Variants in ADCY6 observed in about 807,000 individuals in gnomAD.
ADCY6 encodes the protein adenylate cyclase type 6.
Under a neutral mutation model 111.6 loss-of-function variants are expected in ADCY6, and 59 were observed. The ratio of observed to expected loss-of-function variants is 0.53; its 90% CI spans 0.43 to 0.66. The LOEUF (loss-of-function observed/expected upper bound fraction) is 0.66. Ranked by LOEUF, ADCY6 falls within the 30% of genes least tolerant of loss-of-function variation. The pLI, the probability that ADCY6 is intolerant of heterozygous loss-of-function variation, is 0.00. For missense variants in ADCY6, 1,242 were observed against 1,595.6 expected, an observed-to-expected ratio of 0.78 and a Z score of 3.78; for synonymous variants, 576 against 642.9, an observed-to-expected ratio of 0.90 and a Z score of 1.57.
At position 48,776,670 on chromosome 12, in the gene ADCY6, C is replaced by A. The variant is rs1941713425; in HGVS notation, c.1377-84G>T. On this transcript the variant is annotated intron_variant, in intron 6 of 21. Transcript: ENST00000357869. The surrounding 1 kb of genome is among the most constrained non-coding windows in gnomAD (Gnocchi z 6.1). The stretch of plus-strand genomic sequence containing the variant: ...CCCAGGCCCTTCACTCCTCTCAGGG[C>A]CCAGCGGGCAAGGACAGACCCAGAT... The A allele has an allele frequency of 1.3e-6, 2 of 1,507,802 alleles. No homozygotes were observed. Among genetic ancestry groups the A allele is most frequent in the Non-Finnish European group, 1.8e-6 (2 of 1,129,090 alleles). 93.4% of individuals were successfully genotyped at this position (1,507,802 alleles called of 1,614,324 possible).
Position 48,768,455 on chromosome 12 carries a change from G to T in ADCY6, c.*136C>A. 1.6e-6 allele frequency: 2 copies of T among 1,283,708 alleles called. No homozygotes were observed. Among genetic ancestry groups the T allele is most frequent in the South Asian group, 1.3e-5 (1 of 79,904 alleles). The allele number at this position is 1,283,708 out of a possible 1,614,324, so 79.5% of individuals were successfully genotyped here. ...GGCAGACGAGCATGATCCAAGCACA[G>T]CCTGCTGGGATGTTCCCTTTTGTGG... On this transcript the variant is annotated 3_prime_UTR_variant, in exon 22 of 22. Coordinates refer to ENST00000357869, the MANE Select transcript of ADCY6 (RefSeq NM_015270.5).
At chr12:48,769,138 G>A in intron 20 of ADCY6, 77 bp from the exon 21 acceptor site, 1 of 1,380,042 alleles carries the variant, frequency 7.2e-7, no homozygotes, top group Non-Finnish European at 9.6e-7. Flanking sequence ...TCCTGGCACT[G>A]GTAGAAGGAC....
At chr12:48,787,416 C>A (rs574821485) in intron 1 of ADCY6, among the ~76,000 whole-genome samples, 5 of 152,324 alleles carry the variant, frequency 3.3e-5, no homozygotes, top group Admixed American at 6.5e-5. Context: ...TCTGACCCCC[C>A]CCAAGGGGAT....
rs776107191 is a variant in ADCY6, at chr12:48,776,224, G to A, written c.1662C>T (p.Gly554=). Residue 554 remains glycine (G), a synonymous_variant, in exon 8 of 22, where the codon GGC becomes GGT. Transcript: ENST00000357869. This position sits in a 1 kb window ranked among gnomAD's most constrained non-coding sequence, Gnocchi z 6.1. ...TGGCCCTGACCCGTTTCTGGCTGGC[G>A]CCCAGGATGAGGAAAGTCTCAATGT... ...EQHIETFLIL[G]ASQKRKEEKA... 1.7e-5 allele frequency: 27 copies of A among 1,613,994 alleles called. No individual in the cohort carries two copies. The highest frequency in any genetic ancestry group is 3.3e-4 in the Middle Eastern group (2 of 6,084).
At chr12:48,768,856 C>A (rs1941445366) in intron 21 of ADCY6, 81 bp downstream of exon 21, 2 of 1,553,948 alleles carry the variant, frequency 1.3e-6, no homozygotes, top group Non-Finnish European at 1.7e-6. Flanking sequence ...CACCCTACCC[C>A]TGTCCTAGCA....
chr12:48,770,684 G>A (rs1941512339), intron 20 of ADCY6, 82 bp downstream of exon 20: 1 of 1,424,648 alleles, frequency 7.0e-7, no homozygotes, highest in African/African-American at 1.4e-5. Flanking sequence ...TGGGAAATCT[G>A]TGATCCCATC....
intron 2 of ADCY6, among the ~76,000 whole-genome samples, chr12:48,779,680 G>A (rs890592703): frequency 2.1e-4 from 32 of 152,260 alleles, no homozygotes; most frequent in African/African-American, 7.2e-4. Context: ...CAGTGTTTCT[G>A]GAAACTCAGG....
rs1941761843 is a variant in ADCY6, at chr12:48,778,342, G to A, written c.865-85C>T. 10 of 1,566,828 alleles carry A rather than the reference G, an allele frequency of 6.4e-6. 1 individual carries two copies. The South Asian group carries it at 6.9e-5, about 11-fold the overall frequency. On this transcript the variant is annotated intron_variant, in intron 2 of 21. Coordinates refer to ENST00000357869, the MANE Select transcript of ADCY6 (RefSeq NM_015270.5). ...CACACACATTCACACAACTTGCTAGGTTCTCTGAGGAAGGAAGCCAGGGTC... is the reference window on the plus strand; with the variant it reads ...CACACACATTCACACAACTTGCTAGATTCTCTGAGGAAGGAAGCCAGGGTC...
Position 48,778,099 on chromosome 12 carries a change from C to T in ADCY6, c.1014+9G>A. Reference sequence around the variant, plus strand: ...GGGGGCAGGCCCTGGTCACGGGGAGCAGCCCCACCTGCTGCCGATTCTCAT... The same window carrying T: ...GGGGGCAGGCCCTGGTCACGGGGAGTAGCCCCACCTGCTGCCGATTCTCAT... On this transcript the variant is annotated intron_variant, in intron 3 of 21. Coordinates refer to ENST00000357869, the MANE Select transcript of ADCY6 (RefSeq NM_015270.5). The T allele has an allele frequency of 6.2e-7, 1 of 1,602,458 alleles. No individual in the cohort carries two copies. The highest frequency in any genetic ancestry group is 1.7e-5 in the Admixed American group (1 of 57,866).
intron 1 of ADCY6, chr12:48,783,682 C>T (rs1941915789): frequency 2.5e-6 from 2 of 809,184 alleles, no homozygotes; most frequent in African/African-American, 3.5e-5. Flanking sequence ...GTGGCTTACA[C>T]CTGTAATCCC....
chr12:48,771,237 T>TTC lies in ADCY6; in HGVS notation c.3052-269_3052-268dup, dbSNP rs1347578343. On this transcript the variant is annotated intron_variant, in intron 19 of 21. Transcript: ENST00000357869. This position sits in a 1 kb window ranked among gnomAD's most constrained non-coding sequence, Gnocchi z 4.3. ...ACCCACAAGTGCAATATTAAGCAAT[T>TTC]TCTCCAATCCTTACCTTTTGGGATA... 5 of 536,896 alleles carry TTC rather than the reference T, an allele frequency of 9.3e-6. No homozygotes were observed. Among genetic ancestry groups the TTC allele is most frequent in the Non-Finnish European group, 1.7e-5 (5 of 298,092 alleles). The allele number at this position is 536,896 out of a possible 1,614,324, so 33.3% of individuals were successfully genotyped here. A position where few individuals can be genotyped will look rare whatever the true frequency, so the allele number is the denominator to read the frequency against.
chr12:48,774,604 T>C (rs1413142447), intron 13 of ADCY6, 86 bp from the exon 14 acceptor site: 20 of 1,560,702 alleles, frequency 1.3e-5, no homozygotes, highest in Non-Finnish European at 1.7e-5. Context: ...GGAAGAGGCA[T>C]GGCCTTCTCC....
Position 48,777,133 on chromosome 12 carries a change from C to T in ADCY6, c.1347G>A (p.Glu449=). 6.2e-7 allele frequency: 1 copy of T among 1,612,764 alleles called. No individual in the cohort carries two copies. The highest frequency in any genetic ancestry group is 1.1e-5 in the South Asian group (1 of 90,908). The stretch of plus-strand genomic sequence containing the variant: ...TGGCCTCAATCATGTCTACCCCCAT[C>T]TCCACACAGCAGTGGGCATGGTCGG... The part of the protein sequence containing the change: ...ARADHAHCCV[E]MGVDMIEAIS... The change falls in exon 6 of 22, where the codon GAG becomes GAA. Residue 449 remains glutamate, a synonymous_variant. Transcript: ENST00000357869. The surrounding 1 kb of genome is among the most constrained non-coding windows in gnomAD (Gnocchi z 4.9).
rs984291876 is a variant in ADCY6, at chr12:48,768,136, A to T, written c.*455T>A. 2.7e-5 allele frequency: 6 copies of T among 221,666 alleles called. No individual in the cohort carries two copies. Among genetic ancestry groups the T allele is most frequent in the Admixed American group, 1.0e-4 (2 of 19,270 alleles). 13.7% of individuals were successfully genotyped at this position (221,666 alleles called of 1,614,324 possible). A position where few individuals can be genotyped will look rare whatever the true frequency, so the allele number is the denominator to read the frequency against. On this transcript the variant is annotated 3_prime_UTR_variant, in exon 22 of 22. Coordinates refer to ENST00000357869, the MANE Select transcript of ADCY6 (RefSeq NM_015270.5). ...GGTATTGCAAAGGCAAGCATGGAAT[A>T]GGCACTCCTCATGCCTGTCTTTGTA...
At chr12:48,778,872 ATTTTTTTT>A (rs1037254707) in intron 2 of ADCY6, among the ~76,000 whole-genome samples, 7 of 72,414 alleles carry the variant, frequency 9.7e-5, no homozygotes, top group African/African-American at 2.4e-4. Flanking sequence ...TGAATAACAC[ATTTTTTTT>A]TTTTTTTTTT....
intron 2 of ADCY6, among the ~76,000 whole-genome samples, chr12:48,781,452 C>T (rs552289466): frequency 6.6e-6 from 1 of 152,282 alleles, no homozygotes; most frequent in East Asian, 1.9e-4. Flanking sequence ...TACAGCAGCG[C>T]CTGAAGGACC....
chr12:48,789,737 C>A (rs368203782), upstream of ADCY6: 1 of 152,092 alleles, frequency 6.6e-6, no homozygotes, highest in Non-Finnish European at 1.5e-5. Flanking sequence ...CCTCTTCCCC[C>A]CAGTCTCTGG....
chr12:48,783,951 C>T (rs910056186), intron 1 of ADCY6: 5 of 157,288 alleles, frequency 3.2e-5, no homozygotes, highest in Admixed American at 1.2e-4. Flanking sequence ...GGCGTGGTGG[C>T]GGGCGCCTGT....
intron 15 of ADCY6, 55 bp downstream of exon 15, chr12:48,773,884 AG>A: frequency 6.3e-7 from 1 of 1,592,198 alleles, no homozygotes; most frequent in Non-Finnish European, 8.6e-7. Flanking sequence ...CTGGCACAGA[AG>A]GGCCAATGTC....
Sources: gnomAD v4.1 joint callset for allele counts (sites outside exome capture counted in the v4.1 genomes callset) on GRCh38, gnomAD v4.1.1 for gene constraint, Gnocchi (gnomAD v3.1) non-coding constraint, MANE v1.5 for transcripts, NCBI Gene and HGNC (gene_info 2026-07-23, HGNC 2026-07-21) for gene names.